The following CTNNA2 variants were observed in gnomAD, a reference collection of about 807,000 sequenced individuals.
The protein encoded by CTNNA2 is catenin alpha-2.
CTNNA2 carries 42 observed loss-of-function variants against 101.0 expected under a neutral mutation model. The ratio of observed to expected loss-of-function variants is 0.42; its 90% confidence interval spans 0.32 to 0.54. The LOEUF (loss-of-function observed/expected upper bound fraction) is 0.54. Ranked by LOEUF, CTNNA2 falls within the 20% of genes least tolerant of loss-of-function variation. The pLI is 0.14. For synonymous variants in CTNNA2, 450 were observed against 456.4 expected (o/e 0.99, Z 0.18); for missense variants, 871 against 1,223.1 (o/e 0.71, Z 4.29).
At position 79,733,356 on chromosome 2, in the gene CTNNA2, A is replaced by G. The variant is rs755183516; in HGVS notation, c.103-11031A>G. On this transcript the variant is annotated intron_variant, in intron 2 of 18. Transcript: ENST00000402739. ...TTTTTCAGCCTCATAACTAGTTGAC[A>G]AAGAGCTTGTATTATGAATAAAGGC... 1.4e-4 allele frequency among the ~76,000 whole-genome samples: 21 copies of G among 152,130 alleles called. 1 individual carries two copies. Among genetic ancestry groups the G allele is most frequent in the Non-Finnish European group, 2.9e-4 (20 of 67,998 alleles).
At chr2:79,926,397 A>G (rs1687022104) in intron 7 of CTNNA2, among the ~76,000 whole-genome samples, 1 of 152,134 alleles carries the variant, frequency 6.6e-6, no homozygotes, top group Non-Finnish European at 1.5e-5. Context: ...TAATATTCCA[A>G]AACATCCCGT....
Position 80,491,931 on chromosome 2 carries a change from G to T in CTNNA2, c.1291-53051G>T, listed in dbSNP as rs373314849. 1.6e-3 allele frequency among the ~76,000 whole-genome samples: 250 copies of T among 152,214 alleles called. 2 individuals carry two copies. The highest frequency in any genetic ancestry group is 5.6e-3 in the African/African-American group (233 of 41,524). ...GATTATTCCAGAGCCACCTGGTGGG[G>T]GTATCCACCGTCCATGGGAAGTGAG... On this transcript the variant is annotated intron_variant, in intron 9 of 18. Coordinates refer to ENST00000402739, the MANE Select transcript of CTNNA2 (RefSeq NM_001282597.3).
intron 5 of CTNNA2, among the ~76,000 whole-genome samples, chr2:79,870,943 A>C (rs1682540664): frequency 6.6e-6 from 1 of 152,148 alleles, no homozygotes; most frequent in Non-Finnish European, 1.5e-5. Flanking sequence ...GAGCCAAACC[A>C]TATCAGCCTC....
chr2:80,335,153 G>GA (rs1671665447), intron 7 of CTNNA2, among the ~76,000 whole-genome samples: 1 of 152,202 alleles, frequency 6.6e-6, no homozygotes. Flanking sequence ...TAGACAGGGA[G>GA]AAAACTTTCA....
intron 18 of CTNNA2, among the ~76,000 whole-genome samples, chr2:80,626,558 G>T (rs1671703058): frequency 6.6e-6 from 1 of 151,992 alleles, no homozygotes; most frequent in Non-Finnish European, 1.5e-5. Flanking sequence ...GCACATTGCT[G>T]CTCTGATTAA....
intron 1 of CTNNA2, among the ~76,000 whole-genome samples, chr2:79,535,862 G>A (rs542632054): frequency 6.6e-6 from 1 of 152,158 alleles, no homozygotes; most frequent in African/African-American, 2.4e-5. Context: ...CAGCTCTGTT[G>A]AAGAGTTGAA....
intron 2 of CTNNA2, among the ~76,000 whole-genome samples, chr2:79,669,352 A>G (rs1174140105): frequency 6.6e-6 from 1 of 152,212 alleles, no homozygotes; most frequent in Non-Finnish European, 1.5e-5. Context: ...AAATTTGATC[A>G]TGCGGGCTAG....
At chr2:80,406,554 T>C (rs576808379) in intron 8 of CTNNA2, among the ~76,000 whole-genome samples, 5 of 150,578 alleles carry the variant, frequency 3.3e-5, no homozygotes, top group Admixed American at 6.6e-5. Context: ...TGGCTGGGCG[T>C]GGTGGCTCAC....
At chr2:80,608,406 C>T in intron 17 of CTNNA2, 88 bp downstream of exon 17, 1 of 1,417,066 alleles carries the variant, frequency 7.1e-7, no homozygotes, top group Non-Finnish European at 9.7e-7. Context: ...GCTAAAAACA[C>T]CAAACTACAG....
intron 7 of CTNNA2, among the ~76,000 whole-genome samples, chr2:80,284,721 T>C (rs1291861474): frequency 6.6e-6 from 1 of 152,144 alleles, no homozygotes; most frequent in Non-Finnish European, 1.5e-5. Context: ...TTTCCTTTTC[T>C]CCTTGGATAT....
chr2:79,763,137 T>C (rs1672913753), intron 3 of CTNNA2, among the ~76,000 whole-genome samples: 1 of 152,214 alleles, frequency 6.6e-6, no homozygotes, highest in Admixed American at 6.5e-5. Flanking sequence ...CCTTTTATCT[T>C]TCCTTGTTAA....
At chr2:79,621,970 T>G (rs1341248427) in intron 1 of CTNNA2, among the ~76,000 whole-genome samples, 9 of 152,066 alleles carry the variant, frequency 5.9e-5, no homozygotes, top group Admixed American at 5.9e-4. Flanking sequence ...AAAAATAAAG[T>G]CTGAGAAACT....
At chr2:80,605,558 C>T (rs1341367976) in intron 16 of CTNNA2, 1 of 151,690 alleles carries the variant, frequency 6.6e-6, no homozygotes, top group Non-Finnish European at 1.5e-5. Flanking sequence ...TGTAGTTTTC[C>T]TCCCTCATTC....
intron 18 of CTNNA2, among the ~76,000 whole-genome samples, chr2:80,646,090 C>T (rs183189845): frequency 5.3e-5 from 8 of 152,156 alleles, no homozygotes; most frequent in East Asian, 1.9e-4. Context: ...CTCAATACTG[C>T]GTGGGACATA....
intron 3 of CTNNA2, among the ~76,000 whole-genome samples, chr2:79,821,748 T>A (rs1396475406): frequency 1.3e-5 from 2 of 152,252 alleles, no homozygotes; most frequent in East Asian, 3.9e-4. Context: ...AGGTAGAAAA[T>A]CAAGGTGTAC....
At chr2:80,458,596 A>G (rs1245207671) in intron 9 of CTNNA2, among the ~76,000 whole-genome samples, 9 of 152,156 alleles carry the variant, frequency 5.9e-5, no homozygotes, top group Admixed American at 5.9e-4. Context: ...ACCTTGAAAA[A>G]TCCTTTCCAC....
chr2:80,048,125 AAACAAC>A (rs538045186), intron 7 of CTNNA2, among the ~76,000 whole-genome samples: 2 of 152,124 alleles, frequency 1.3e-5, no homozygotes, highest in Admixed American at 6.6e-5. Flanking sequence ...TTAACAAATT[AAACAAC>A]AACAACAACA....
intron 2 of CTNNA2, among the ~76,000 whole-genome samples, chr2:79,742,568 T>A (rs1035742024): frequency 6.6e-6 from 1 of 152,186 alleles, no homozygotes; most frequent in African/African-American, 2.4e-5. Flanking sequence ...AACATGTTCA[T>A]GTGTTAGAGT....
chr2:79,911,934 A>G (rs952814076), intron 7 of CTNNA2, among the ~76,000 whole-genome samples: 141 of 152,226 alleles, frequency 9.3e-4, no homozygotes, highest in African/African-American at 3.2e-3. Flanking sequence ...ATTTTGATAT[A>G]GCATGTATGA....
Sources: gnomAD v4.1 joint callset for allele counts (sites outside exome capture counted in the v4.1 genomes callset) on GRCh38, gnomAD v4.1.1 for gene constraint, MANE v1.5 for transcripts, NCBI Gene and HGNC (gene_info 2026-07-23, HGNC 2026-07-21) for gene names.